The following IL16 variants were observed in gnomAD, a reference collection of about 807,000 sequenced individuals.
The protein encoded by IL16 is pro-interleukin-16.
In IL16, 67 loss-of-function variants were observed where a neutral mutation model predicts 110.1. The ratio of observed to expected loss-of-function variants is 0.61; its 90% CI spans 0.50 to 0.75. The LOEUF is 0.75. Among genes scored for constraint, IL16 ranks in the 30% least tolerant of loss-of-function variants. The pLI, the probability that IL16 is intolerant of heterozygous loss-of-function variation, is 0.00. For synonymous variants in IL16, 689 were observed against 662.9 expected (o/e 1.04, Z -0.61); for missense variants, 1,545 against 1,655.0 (o/e 0.93, Z 1.15).
At chr15:81,306,190 A>C (rs769590917) in intron 17 of IL16, 24 bp downstream of exon 17, 2 of 1,607,918 alleles carry the variant, frequency 1.2e-6, no homozygotes, top group Non-Finnish European at 1.7e-6. Context: ...ACTCAGTGGA[A>C]GCCACATGGG....
chr15:81,300,259 A>C lies in IL16; in HGVS notation c.2933A>C (p.Lys978Thr), dbSNP rs772225492. The part of the protein sequence containing the change: ...PLTRSQSCET[K>T]LLDEKTSKLY... ...ACCAGGTCCCAGTCCTGTGAGACGA[A>C]GCTACTTGACGAAAAGACCAGCAAA... The change falls in exon 14 of 19, where the codon AAG (lysine) becomes ACG (threonine). Residue 978 changes from lysine to threonine, a missense_variant. Lys to Thr is a moderately conservative substitution (Grantham distance 78). This residue lies in a region of IL16 where 1,185 missense variants were observed against 1,238.8 expected (regional missense o/e 0.96). Transcript: ENST00000683961. 9 of 1,614,240 alleles carry C rather than the reference A, an allele frequency of 5.6e-6. No individual in the cohort carries two copies. The South Asian group carries it at 9.9e-5, about 18-fold the overall frequency.
rs1475553383 is a variant in IL16, at chr15:81,313,387, T to A, written c.*4589T>A. The A allele has an allele frequency of 6.4e-7, 1 of 1,555,780 alleles. No individual in the cohort carries two copies. The highest frequency in any genetic ancestry group is 1.4e-5 in the African/African-American group (1 of 72,462). On this transcript the variant is annotated 3_prime_UTR_variant, in exon 19 of 19. Coordinates refer to ENST00000683961, the MANE Select transcript of IL16 (RefSeq NM_172217.5). ...TCGGTATGGAAGAATGTGACCAGGT[T>A]GGTCTTGGTGGGTTCCCTGTGAAGG... is the stretch of plus-strand genomic sequence containing the variant.
intron 4 of IL16, among the ~76,000 whole-genome samples, chr15:81,267,362 C>A (rs1898427319): frequency 6.6e-6 from 1 of 152,132 alleles, no homozygotes; most frequent in African/African-American, 2.4e-5. Context: ...CTCAGTTATT[C>A]CCTCTACTCA....
In IL16 at chr15:81,282,673, C is replaced by A; in HGVS notation, c.1116C>A (p.Ser372Arg). Reference sequence around the variant, plus strand: ...TGGGCCTGGGCATCGGCCTGTGCAGCGTTCCCTACTTCCAATGCATCTCTG... The same window carrying A: ...TGGGCCTGGGCATCGGCCTGTGCAGAGTTCCCTACTTCCAATGCATCTCTG... ...AGVGLGIGLCSVPYFQCISGI... is the reference protein window; with the variant it reads ...AGVGLGIGLCRVPYFQCISGI... Residue 372 changes from serine to arginine, a missense_variant, in exon 9 of 19, where the codon AGC (serine) becomes AGA (arginine). Ser to Arg is a moderately radical substitution (Grantham distance 110). This residue lies in a region of IL16 where 1,185 missense variants were observed against 1,238.8 expected (regional missense o/e 0.96). Coordinates refer to ENST00000683961, the MANE Select transcript of IL16 (RefSeq NM_172217.5). The A allele has an allele frequency of 6.2e-7, 1 of 1,613,910 alleles. No individual in the cohort carries two copies. The highest frequency in any genetic ancestry group is 2.2e-5 in the East Asian group (1 of 44,886).
chr15:81,207,080 C>G (rs540391858), intron 1 of IL16, among the ~76,000 whole-genome samples: 1 of 151,326 alleles, frequency 6.6e-6, no homozygotes, highest in African/African-American at 2.4e-5. Flanking sequence ...AAAAAAACCA[C>G]AAAAAATTAG....
In IL16 at chr15:81,313,172, C is replaced by T. The variant is rs539214117; in HGVS notation, c.*4374C>T. 69 of 1,420,258 alleles carry T rather than the reference C, an allele frequency of 4.9e-5. No individual in the cohort carries two copies. Among genetic ancestry groups the T allele is most frequent in the East Asian group, 1.9e-4 (7 of 37,416 alleles). 88.0% of individuals were successfully genotyped at this position (1,420,258 alleles called of 1,614,324 possible). A position where few individuals can be genotyped will look rare whatever the true frequency, so the allele number is the denominator to read the frequency against. On this transcript the variant is annotated 3_prime_UTR_variant, in exon 19 of 19. Transcript: ENST00000683961. ...TCCAAAGAGTGAACACAGGCCTCTG[C>T]GTGCTCCCAGGCTCCTTGGTGTCCC...
chr15:81,262,879 C>T (rs940487214), intron 3 of IL16, among the ~76,000 whole-genome samples: 11 of 152,098 alleles, frequency 7.2e-5, no homozygotes, highest in African/African-American at 1.9e-4. Flanking sequence ...TGTGGTGAGC[C>T]GAGATTGTGC....
At chr15:81,287,086 A>G (rs1166426722) in intron 10 of IL16, among the ~76,000 whole-genome samples, 1 of 151,858 alleles carries the variant, frequency 6.6e-6, no homozygotes, top group Non-Finnish European at 1.5e-5. Flanking sequence ...AAAACTCAAG[A>G]TAAGATTTGG....
At chr15:81,296,655 A>T (rs1268135340) in intron 12 of IL16, among the ~76,000 whole-genome samples, 1 of 152,150 alleles carries the variant, frequency 6.6e-6, no homozygotes, top group Admixed American at 6.5e-5. Flanking sequence ...TTCCTATCAT[A>T]AAGAGTCAGG....
intron 1 of IL16, among the ~76,000 whole-genome samples, chr15:81,185,708 G>A (rs562968839): frequency 2.0e-5 from 3 of 152,154 alleles, no homozygotes; most frequent in South Asian, 2.1e-4. Context: ...TAAATATAAC[G>A]GCAAAGAGGG....
chr15:81,199,031 ATATATAT>A (rs547109319), intron 1 of IL16, among the ~76,000 whole-genome samples: 2,140 of 96,766 alleles, frequency 0.022, 98 homozygotes, highest in African/African-American at 0.079. Flanking sequence ...AAAAAAAAAA[ATATATAT>A]ATATATATAT....
rs1371629133 is a variant in IL16 at position 81,303,526 on chromosome 15, G to C, written c.3319-23G>C. 2.0e-6 allele frequency: 3 copies of C among 1,470,768 alleles called. No individual in the cohort carries two copies. Among genetic ancestry groups the C allele is most frequent in the Non-Finnish European group, 2.9e-6 (3 of 1,049,460 alleles). The allele number at this position is 1,470,768 out of a possible 1,614,324, so 91.1% of individuals were successfully genotyped here. A position where few individuals can be genotyped will look rare whatever the true frequency, so the allele number is the denominator to read the frequency against. ...CATCCTCTTGCAGTAAAATGTTTTT[G>C]AATGTATGTATTTCCTCTGCAGCAA... On this transcript the variant is annotated intron_variant, in intron 15 of 18. Coordinates refer to ENST00000683961, the MANE Select transcript of IL16 (RefSeq NM_172217.5). The surrounding 1 kb of genome is among the most constrained non-coding windows in gnomAD (Gnocchi z 4.1).
At chr15:81,265,844 G>C (rs539292702) in intron 4 of IL16, 43 bp downstream of exon 4, 2 of 1,570,500 alleles carry the variant, frequency 1.3e-6, no homozygotes, top group East Asian at 4.6e-5. Context: ...GTTTCTCCCG[G>C]GGAGAAGGGA....
Position 81,299,899 on chromosome 15 carries a change from G to T in IL16, c.2573G>T (p.Gly858Val). The T allele has an allele frequency of 6.2e-7, 1 of 1,613,544 alleles. No individual in the cohort carries two copies. Among genetic ancestry groups the T allele is most frequent in the East Asian group, 2.2e-5 (1 of 44,876 alleles). The change falls in exon 14 of 19, where the codon GGA becomes GTA. Residue 858 changes from glycine to valine, a missense_variant. Physicochemically the swap from Gly to Val is moderately radical, Grantham distance 109. This residue lies in a region of IL16 where 1,185 missense variants were observed against 1,238.8 expected (regional missense o/e 0.96). Coordinates refer to ENST00000683961, the MANE Select transcript of IL16 (RefSeq NM_172217.5). ...GGCTCCTCTCAACTGCCTGACAAAG[G>T]AGCCCAGAGACTGAGCCTCCAGCCC... ...TFGSSQLPDK[G>V]AQRLSLQPSS... is the part of the protein sequence containing the mutation.
rs780952273 is a variant in IL16 at position 81,248,719 on chromosome 15, C to CTTTCT, written c.313-11050_313-11049insCTTTT. On this transcript the variant is annotated intron_variant, in intron 2 of 18. Coordinates refer to ENST00000683961, the MANE Select transcript of IL16 (RefSeq NM_172217.5). ...TTTCTGTGATTTTTTTTCTTTCTTTCTTTTTTTTTTTTTTTTTTTGAGGCA... is the reference window on the plus strand; with the variant it reads ...TTTCTGTGATTTTTTTTCTTTCTTTCTTTCTTTTTTTTTTTTTTTTTTTTGAGGCA... Among the ~76,000 whole-genome samples the CTTTCT allele has an allele frequency of 2.9e-4, 33 of 112,220 alleles. 1 individual carries two copies. The highest frequency in any genetic ancestry group is 5.6e-3 in the Middle Eastern group (1 of 180). 73.6% of individuals were successfully genotyped at this position (112,220 alleles called of 152,430 possible).
At chr15:81,244,405 C>A (rs1421889761) in intron 2 of IL16, among the ~76,000 whole-genome samples, 1 of 151,776 alleles carries the variant, frequency 6.6e-6, no homozygotes, top group Non-Finnish European at 1.5e-5. Flanking sequence ...ATTCATTTTC[C>A]TTCATCTCAG....
rs57484982 is a variant in IL16 at position 81,247,076 on chromosome 15, C to CTTTTTTTTT, written c.313-12684_313-12676dup. ...TTTGTGTTTTCTTTCTTTTCTTTTC[C>CTTTTTTTTT]TTTTTTTTTTTTTTTTTTTTGATCT... On this transcript the variant is annotated intron_variant, in intron 2 of 18. Coordinates refer to ENST00000683961, the MANE Select transcript of IL16 (RefSeq NM_172217.5). Among the ~76,000 whole-genome samples the CTTTTTTTTT allele has an allele frequency of 3.0e-3, 282 of 92,502 alleles. 5 individuals carry two copies. Among genetic ancestry groups the CTTTTTTTTT allele is most frequent in the African/African-American group, 4.5e-3 (94 of 20,748 alleles). 60.7% of individuals were successfully genotyped at this position (92,502 alleles called of 152,430 possible). A position where few individuals can be genotyped will look rare whatever the true frequency, so the allele number is the denominator to read the frequency against.
intron 3 of IL16, among the ~76,000 whole-genome samples, chr15:81,263,298 C>CT (rs1372349516): frequency 6.6e-6 from 1 of 150,404 alleles, no homozygotes; most frequent in Non-Finnish European, 1.5e-5. Context: ...TCTAATATAG[C>CT]TTTTTTGTAT....
chr15:81,276,812 A>G (rs1898931629), intron 6 of IL16, among the ~76,000 whole-genome samples: 1 of 152,228 alleles, frequency 6.6e-6, no homozygotes, highest in Non-Finnish European at 1.5e-5. Context: ...CCCATAGAAA[A>G]ACAGAATATC....
Sources: allele counts gnomAD v4.1 joint callset (sites outside exome capture counted in the v4.1 genomes callset), GRCh38; gene constraint gnomAD v4.1.1; regional missense constraint gnomAD v4.1.1; non-coding constraint Gnocchi (gnomAD v3.1); transcripts MANE v1.5; gene names NCBI Gene and HGNC (gene_info 2026-07-23, HGNC 2026-07-21).